The following COL21A1 variants were observed in gnomAD, a reference collection of about 807,000 sequenced individuals.
COL21A1 encodes collagen type XXI alpha 1 chain.
A neutral mutation model predicts 137.9 loss-of-function variants in COL21A1; 149 were observed. The ratio of observed to expected loss-of-function variants is 1.08; its 90% confidence interval spans 0.95 to 1.24. COL21A1 has a LOEUF of 1.24. COL21A1 is among the 50% of genes most tolerant of loss of function. COL21A1 has a pLI of 0.00. For missense variants in COL21A1, 1,167 were observed against 1,158.4 expected (o/e 1.01, Z -0.11); for synonymous variants, 456 against 391.5 (o/e 1.16, Z -1.95).
At chr6:56,112,320 T>C (rs951720610) in intron 16 of COL21A1, among the ~76,000 whole-genome samples, 1 of 151,608 alleles carries the variant, frequency 6.6e-6, no homozygotes, top group Non-Finnish European at 1.5e-5. Flanking sequence ...CAAGATGGAG[T>C]AGAAAGCTCC....
At chr6:56,299,278 CAG>C (rs66671579) in intron 1 of COL21A1, among the ~76,000 whole-genome samples, 47,194 of 151,906 alleles carry the variant, frequency 0.31, 7,796 homozygotes, top group Non-Finnish European at 0.36. Context: ...AGTGGCATAA[CAG>C]AGAGTTTCAG....
At chr6:56,322,745 AT>A (rs1764899739) in intron 1 of COL21A1, among the ~76,000 whole-genome samples, 1 of 152,090 alleles carries the variant, frequency 6.6e-6, no homozygotes, top group Admixed American at 6.6e-5. Context: ...TATAACTTAT[AT>A]AGTTGACTGT....
Position 56,099,580 on chromosome 6 carries a change from T to C in COL21A1, c.1812+1892A>G, listed in dbSNP as rs554510436. On this transcript the variant is annotated intron_variant, in intron 17 of 29. Transcript: ENST00000244728. ...CCAAGCTCTCATGTCTATTATCTCTTATTTCCCTCTTCCTCTTTTTCCTTC... is the reference window on the plus strand; with the variant it reads ...CCAAGCTCTCATGTCTATTATCTCTCATTTCCCTCTTCCTCTTTTTCCTTC... 5.1e-4 allele frequency among the ~76,000 whole-genome samples: 78 copies of C among 151,984 alleles called. No individual in the cohort carries two copies. The South Asian group carries it at 0.016, about 31-fold the overall frequency.
intron 1 of COL21A1, among the ~76,000 whole-genome samples, chr6:56,314,794 A>C (rs1234945234): frequency 6.6e-6 from 1 of 152,172 alleles, no homozygotes; most frequent in African/African-American, 2.4e-5. Flanking sequence ...TGCATTCTCT[A>C]AATGGAACAA....
intron 1 of COL21A1, among the ~76,000 whole-genome samples, chr6:56,184,443 A>G (rs1165187629): frequency 1.4e-4 from 22 of 152,180 alleles, no homozygotes; most frequent in Admixed American, 1.4e-3. Context: ...AAAAAATGAA[A>G]AAAAATAAGC....
chr6:56,291,788 G>A (rs900408387), intron 1 of COL21A1, among the ~76,000 whole-genome samples: 6 of 152,188 alleles, frequency 3.9e-5, no homozygotes. Context: ...CAGTAGCTTG[G>A]CAGCAATCCC....
In COL21A1 at chr6:56,281,081, C is replaced by T. The variant is rs564761727; in HGVS notation, c.-38-98425G>A. On this transcript the variant is annotated intron_variant, in intron 1 of 28. Transcript: ENST00000370819. ...CCAGTGTCCATCCTACTACACCACA[C>T]TTTCCTATGATCCTCACAGCTCAAC... Among the ~76,000 whole-genome samples the T allele has an allele frequency of 2.0e-5, 3 of 152,174 alleles. No individual in the cohort carries two copies. The East Asian group carries it at 5.8e-4, about 29-fold the overall frequency.
intron 1 of COL21A1, among the ~76,000 whole-genome samples, chr6:56,379,560 C>CAT (rs2094005358): frequency 6.6e-6 from 1 of 152,104 alleles, no homozygotes. Flanking sequence ...AGCAATACTG[C>CAT]ATACTCTCTT....
chr6:56,090,929 G>GA (rs1768755523), intron 17 of COL21A1, among the ~76,000 whole-genome samples: 1 of 152,066 alleles, frequency 6.6e-6, no homozygotes, highest in Non-Finnish European at 1.5e-5. Context: ...AAAGGGGTGA[G>GA]AAAAAGTATT....
At position 56,070,748 on chromosome 6, in the gene COL21A1, G is replaced by A. The variant is rs373937908; in HGVS notation, c.2016C>T (p.Leu672=). The A allele has an allele frequency of 4.9e-5, 78 of 1,582,032 alleles. No individual in the cohort carries two copies. The African/African-American group carries it at 9.9e-4, about 20-fold the overall frequency. The change falls in exon 21 of 30, where the codon CTC becomes CTT. Residue 672 remains leucine, a synonymous_variant. Transcript: ENST00000244728. ...TTTTCAAATGCATCAAAATTACCTT[G>A]AGCCCAGAAGCCCCAGGCATCCCTT... The part of the protein sequence containing the change: ...GIQGMPGASG[L]KGEPGATGSP...
rs756101267 is a variant in COL21A1, at chr6:56,070,799, C to T, written c.1966-1G>A. 6.3e-7 allele frequency: 1 copy of T among 1,595,476 alleles called. No individual in the cohort carries two copies. Among genetic ancestry groups the T allele is most frequent in the Non-Finnish European group, 8.5e-7 (1 of 1,173,100 alleles). ...GAATTCCAGGTTCACCTTTGCTTCC[C>T]TGTCAACACATCAAAAACATTGGAG... is the stretch of plus-strand genomic sequence containing the variant. On this transcript the variant is annotated splice_acceptor_variant, in intron 20 of 29. Coordinates refer to ENST00000244728, the MANE Select transcript of COL21A1 (RefSeq NM_030820.4). LOFTEE classifies it high-confidence loss of function.
In COL21A1 at chr6:56,124,106, C is replaced by T; in HGVS notation, c.1714G>A (p.Gly572Arg). ...PGLPGPAGEP[G>R]RHGKDGLMGS... ...ATTAATCCATCCTTTCCATGTCTTC[C>T]TGGTTCTCCCTAAAAAATAAATACA... Residue 572 changes from glycine to arginine, a missense_variant, in exon 16 of 30, where the codon GGA becomes AGA. By Grantham distance (125) the Gly-to-Arg change is moderately radical. Transcript: ENST00000244728. 6.5e-7 allele frequency: 1 copy of T among 1,539,006 alleles called. No homozygotes were observed. The highest frequency in any genetic ancestry group is 1.4e-5 in the African/African-American group (1 of 71,896).
chr6:56,171,774 T>C (rs761693607), intron 3 of COL21A1, among the ~76,000 whole-genome samples: 1 of 151,902 alleles, frequency 6.6e-6, no homozygotes, highest in Non-Finnish European at 1.5e-5. Flanking sequence ...ATATTAATCA[T>C]ACTTATAAAG....
At chr6:56,097,874 T>TAC (rs1769571168) in intron 17 of COL21A1, among the ~76,000 whole-genome samples, 1 of 95,376 alleles carries the variant, frequency 1.0e-5, no homozygotes, top group African/African-American at 4.2e-5. Context: ...AAAATATCTA[T>TAC]AAATATATAA....
intron 1 of COL21A1, among the ~76,000 whole-genome samples, chr6:56,381,834 G>T (rs180757782): frequency 6.6e-6 from 1 of 152,276 alleles, no homozygotes; most frequent in African/African-American, 2.4e-5. Context: ...CAAATTGGAA[G>T]TCACACTTCC....
At chr6:56,118,514 A>C (rs548164360) in intron 16 of COL21A1, among the ~76,000 whole-genome samples, 1 of 152,070 alleles carries the variant, frequency 6.6e-6, no homozygotes, top group East Asian at 1.9e-4. Flanking sequence ...TAAAGAACTA[A>C]TACCAATCCT....
intron 1 of COL21A1, among the ~76,000 whole-genome samples, chr6:56,281,454 C>T (rs1386188817): frequency 2.0e-5 from 3 of 152,118 alleles, no homozygotes; most frequent in Non-Finnish European, 4.4e-5. Flanking sequence ...CCCCAACCAC[C>T]ACTATTATCA....
chr6:56,064,124 A>G (rs541340337), intron 24 of COL21A1, among the ~76,000 whole-genome samples: 4 of 152,236 alleles, frequency 2.6e-5, no homozygotes, highest in East Asian at 1.9e-4. Context: ...GCATTTTAAT[A>G]TATCTCCAGA....
intron 17 of COL21A1, among the ~76,000 whole-genome samples, chr6:56,095,621 G>A (rs112568136): frequency 4.6e-5 from 7 of 152,126 alleles, no homozygotes; most frequent in African/African-American, 7.2e-5. Context: ...TTCATGTACC[G>A]CATGGCAGCC....
Sources: allele counts gnomAD v4.1 joint callset (sites outside exome capture counted in the v4.1 genomes callset), GRCh38; gene constraint gnomAD v4.1.1; transcripts MANE v1.5; gene names NCBI Gene and HGNC (gene_info 2026-07-23, HGNC 2026-07-21).